ARHGAP5: variants seen among roughly 807,000 people sequenced by gnomAD.
The protein encoded by ARHGAP5 is rho GTPase-activating protein 5.
Under a neutral mutation model 116.6 loss-of-function variants are expected in ARHGAP5, and 23 were observed. The ratio of observed to expected loss-of-function variants is 0.20; its 90% CI spans 0.14 to 0.28. The LOEUF is 0.28. Among genes scored for constraint, ARHGAP5 ranks in the 10% least tolerant of loss-of-function variants. The pLI is 1.00. For synonymous variants in ARHGAP5, 574 were observed against 602.0 expected, an observed-to-expected ratio of 0.95 and a Z score of 0.68; for missense variants, 1,405 against 1,774.8, an observed-to-expected ratio of 0.79 and a Z score of 3.74.
chr14:32,080,484 CAA>C (rs1178832390), intron 1 of ARHGAP5, among the ~76,000 whole-genome samples: 5 of 150,714 alleles, frequency 3.3e-5, no homozygotes, highest in Non-Finnish European at 5.9e-5. Flanking sequence ...TAAAAAAAAA[CAA>C]AACTGATCTG....
At chr14:32,127,532 T>C (rs1467198767) in intron 3 of ARHGAP5, among the ~76,000 whole-genome samples, 3 of 152,230 alleles carry the variant, frequency 2.0e-5, no homozygotes, top group African/African-American at 7.2e-5. Flanking sequence ...AGAAGAATTT[T>C]TCTTAGTACA....
intron 2 of ARHGAP5, among the ~76,000 whole-genome samples, chr14:32,115,322 A>G (rs902962662): frequency 6.6e-6 from 1 of 152,210 alleles, no homozygotes; most frequent in Non-Finnish European, 1.5e-5. Context: ...TCTTTTTACT[A>G]TCCTGAAAAT....
chr14:32,095,765 AT>A (rs1308639287), intron 2 of ARHGAP5, among the ~76,000 whole-genome samples: 1 of 152,152 alleles, frequency 6.6e-6, no homozygotes, highest in African/African-American at 2.4e-5. Flanking sequence ...TACTCAACTC[AT>A]AACATGCTAC....
At chr14:32,124,803 G>A (rs891947406) in intron 3 of ARHGAP5, among the ~76,000 whole-genome samples, 1 of 152,094 alleles carries the variant, frequency 6.6e-6, no homozygotes, top group Non-Finnish European at 1.5e-5. Flanking sequence ...TATGATTTTG[G>A]TAATTGTCAG....
At chr14:32,113,622 C>T (rs1879415001) in intron 2 of ARHGAP5, among the ~76,000 whole-genome samples, 1 of 152,194 alleles carries the variant, frequency 6.6e-6, no homozygotes, top group Admixed American at 6.5e-5. Flanking sequence ...TTTTGCTTTC[C>T]TGTCACAACC....
In ARHGAP5 at chr14:32,082,083, C is replaced by T. The variant is rs374788274; in HGVS notation, c.-169+4648C>T. Among the ~76,000 whole-genome samples, 83 of 152,238 alleles carry T rather than the reference C, an allele frequency of 5.5e-4. 1 individual carries two copies. The highest frequency in any genetic ancestry group is 1.8e-3 in the African/African-American group (75 of 41,544). On this transcript the variant is annotated intron_variant, in intron 1 of 6. Coordinates refer to ENST00000345122, the MANE Select transcript of ARHGAP5 (RefSeq NM_001030055.2). ...TGAGAATCTATCGCTGCTGTGGAGG[C>T]GGAGCTCAGGTGGTAATGCCCGCTT...
Position 32,094,082 on chromosome 14 carries a change from C to T in ARHGAP5, c.3413C>T (p.Ser1138Phe). Residue 1138 changes from serine (S) to phenylalanine (F), a missense_variant, in exon 2 of 7, where the codon TCT (serine) becomes TTT (phenylalanine). Ser to Phe is a radical substitution (Grantham distance 155, BLOSUM62 -2). Around this residue, in one of 6 missense-constraint regions of ARHGAP5, gnomAD observed 944 missense variants for 1,095.3 expected, o/e 0.86. Transcript: ENST00000345122. Reference sequence around the variant, plus strand: ...CAAGGAGATGAAGAAAATGGGTTTTCTGATAGAACCTCAAAAAGTCATGGG... The same window carrying T: ...CAAGGAGATGAAGAAAATGGGTTTTTTGATAGAACCTCAAAAAGTCATGGG... ...NTQGDEENGFSDRTSKSHGER... is the reference protein window; with the variant it reads ...NTQGDEENGFFDRTSKSHGER... The T allele has an allele frequency of 6.2e-7, 1 of 1,613,996 alleles. No individual in the cohort carries two copies. The highest frequency in any genetic ancestry group is 8.5e-7 in the Non-Finnish European group (1 of 1,179,984).
chr14:32,115,531 T>C, intron 2 of ARHGAP5, among the ~76,000 whole-genome samples: 1 of 151,294 alleles, frequency 6.6e-6, no homozygotes. Flanking sequence ...CCGGGCGTGG[T>C]GGCGGGCACC....
chr14:32,097,891 G>C (rs1878609668), intron 2 of ARHGAP5, among the ~76,000 whole-genome samples: 5 of 152,128 alleles, frequency 3.3e-5, no homozygotes, highest in Admixed American at 3.3e-4. Flanking sequence ...AGATTATCAA[G>C]TCCCCAGGAA....
At chr14:32,098,965 G>T (rs1471866225) in intron 2 of ARHGAP5, among the ~76,000 whole-genome samples, 1 of 152,192 alleles carries the variant, frequency 6.6e-6, no homozygotes, top group East Asian at 1.9e-4. Context: ...GGCTAGAGAG[G>T]CTGTGGAAGA....
intron 2 of ARHGAP5, among the ~76,000 whole-genome samples, chr14:32,116,236 T>A (rs1188304002): frequency 8.1e-6 from 1 of 122,912 alleles, no homozygotes; most frequent in African/African-American, 3.1e-5. Flanking sequence ...GCAGTGAGCC[T>A]AGACCCTGCG....
At chr14:32,116,669 A>T (rs563610973) in intron 2 of ARHGAP5, among the ~76,000 whole-genome samples, 33 of 152,152 alleles carry the variant, frequency 2.2e-4, no homozygotes, top group Non-Finnish European at 1.6e-4. Context: ...GGGACAAATG[A>T]TGGAACTAAC....
At chr14:32,146,758 G>GAAA (rs1409381198) in intron 4 of ARHGAP5, among the ~76,000 whole-genome samples, 1 of 152,168 alleles carries the variant, frequency 6.6e-6, no homozygotes, top group Non-Finnish European at 1.5e-5. Flanking sequence ...TGGTAAATAA[G>GAAA]AAAGGAGGTA....
intron 4 of ARHGAP5, among the ~76,000 whole-genome samples, chr14:32,147,243 C>G (rs771684967): frequency 3.9e-5 from 6 of 152,022 alleles, no homozygotes; most frequent in Non-Finnish European, 7.4e-5. Flanking sequence ...GATATGAAAC[C>G]TAGAAAGCAT....
At chr14:32,105,100 C>T (rs549327239) in intron 2 of ARHGAP5, among the ~76,000 whole-genome samples, 15 of 152,170 alleles carry the variant, frequency 9.9e-5, no homozygotes, top group Admixed American at 3.3e-4. Context: ...AGTTGAGAAA[C>T]CCTGGTGTAG....
At chr14:32,131,269 T>TA (rs766259565) in intron 3 of ARHGAP5, among the ~76,000 whole-genome samples, 3 of 149,448 alleles carry the variant, frequency 2.0e-5, no homozygotes, top group East Asian at 3.9e-4. Flanking sequence ...TTTTTTTTTT[T>TA]AGGTTTGTCT....
chr14:32,105,646 G>A (rs1403103605), intron 2 of ARHGAP5, among the ~76,000 whole-genome samples: 1 of 152,058 alleles, frequency 6.6e-6, no homozygotes, highest in African/African-American at 2.4e-5. Context: ...ATTTGTACAT[G>A]TGTATATTTT....
At chr14:32,140,067 T>TCTC (rs1491131546) in intron 3 of ARHGAP5, among the ~76,000 whole-genome samples, 4 of 112,514 alleles carry the variant, frequency 3.6e-5, no homozygotes, top group African/African-American at 1.4e-4. Context: ...TTTCTCTCTC[T>TCTC]TTTTTTTTTT....
At chr14:32,135,279 A>C (rs893868890) in intron 3 of ARHGAP5, among the ~76,000 whole-genome samples, 1 of 152,244 alleles carries the variant, frequency 6.6e-6, no homozygotes, top group Non-Finnish European at 1.5e-5. Context: ...AAATACATTT[A>C]ACTGGAATGA....
Sources: allele counts gnomAD v4.1 joint callset (sites outside exome capture counted in the v4.1 genomes callset), GRCh38; gene constraint gnomAD v4.1.1; regional missense constraint gnomAD v4.1.1; transcripts MANE v1.5; gene names NCBI Gene and HGNC (gene_info 2026-07-23, HGNC 2026-07-21).